Variants in KLHL3 observed in about 807,000 individuals in gnomAD.
KLHL3 encodes kelch like family member 3, also known as kelch-like protein 3.
In KLHL3, 19 loss-of-function variants were observed where a neutral mutation model predicts 70.5. The ratio of observed to expected loss-of-function variants is 0.27; its 90% CI spans 0.19 to 0.40. KLHL3 has a LOEUF of 0.40. Among genes scored for constraint, KLHL3 ranks in the 10% least tolerant of loss-of-function variants. The probability of loss-of-function intolerance (pLI) is 1.00; values close to 1 mark genes in which losing one functional copy is unlikely to be tolerated. For synonymous variants in KLHL3, 258 were observed against 290.3 expected, an observed-to-expected ratio of 0.89 and a Z score of 1.13; for missense variants, 512 against 771.1, an observed-to-expected ratio of 0.66 and a Z score of 3.98.
intron 8 of KLHL3, among the ~76,000 whole-genome samples, chr5:137,657,482 C>G (rs1751372292): frequency 6.6e-6 from 1 of 152,078 alleles, no homozygotes; most frequent in Non-Finnish European, 1.5e-5. Context: ...AAAGAAGACT[C>G]GCAGGGAACC....
chr5:137,674,368 G>A (rs1010203796), intron 6 of KLHL3, among the ~76,000 whole-genome samples: 3 of 152,138 alleles, frequency 2.0e-5, no homozygotes. Flanking sequence ...AACTTGCCCA[G>A]GGTTCTCAGC....
chr5:137,721,010 C>CA (rs1216561498), intron 1 of KLHL3: 7 of 304,060 alleles, frequency 2.3e-5, no homozygotes, highest in Non-Finnish European at 2.4e-5. Context: ...ACTACCCTCA[C>CA]AAAGCTTAGA....
intron 5 of KLHL3, among the ~76,000 whole-genome samples, chr5:137,690,764 G>A (rs1220923048): frequency 6.6e-6 from 1 of 152,142 alleles, no homozygotes; most frequent in Admixed American, 6.6e-5. Flanking sequence ...TGACCAAGAG[G>A]CTAACACAGC....
rs1301588479 is a variant in KLHL3, at chr5:137,641,498, T to C, written c.904-1521A>G. Among the ~76,000 whole-genome samples, 6 of 152,136 alleles carry C rather than the reference T, an allele frequency of 3.9e-5. No homozygotes were observed. In the East Asian group the frequency reaches 9.6e-4, roughly 24 times the overall value. The stretch of plus-strand genomic sequence containing the variant: ...ATGCTCTGTATGGATTTCCTGATGA[T>C]ATGCCATGAACAACTTTTGCCATTA... On this transcript the variant is annotated intron_variant, in intron 8 of 14. Coordinates refer to ENST00000309755, the MANE Select transcript of KLHL3 (RefSeq NM_017415.3).
intron 6 of KLHL3, among the ~76,000 whole-genome samples, chr5:137,673,440 G>A (rs1158813583): frequency 1.3e-5 from 2 of 152,000 alleles, no homozygotes; most frequent in Non-Finnish European, 2.9e-5. Context: ...GAAGGGGAAG[G>A]TCCTACACAA....
chr5:137,692,832 A>ACACC, intron 4 of KLHL3: 1 of 224,954 alleles, frequency 4.4e-6, no homozygotes, highest in South Asian at 7.3e-5. Context: ...ACACACACAC[A>ACACC]CACACACACA....
intron 3 of KLHL3, among the ~76,000 whole-genome samples, chr5:137,699,087 C>T (rs1247110112): frequency 2.0e-5 from 3 of 152,136 alleles, no homozygotes; most frequent in African/African-American, 7.2e-5. Flanking sequence ...TTTGTAACCA[C>T]TACGCTATAC....
Position 137,720,469 on chromosome 5 carries a change from G to A in KLHL3, c.130C>T (p.Arg44Trp). ...CGGACAAGATAGAAAAAGTACCTCC[G>A]CAGTTCATTCATAACCTTGAATGCT... ...GKAFKVMNEL[R>W]SKQLLCDVMI... The change falls in exon 2 of 15, where the codon CGG (arginine) becomes TGG (tryptophan). Residue 44 changes from arginine to tryptophan, a missense_variant. Arg to Trp is a moderately radical substitution (Grantham distance 101). Coordinates refer to ENST00000309755, the MANE Select transcript of KLHL3 (RefSeq NM_017415.3). 7.4e-6 allele frequency: 12 copies of A among 1,614,084 alleles called. No homozygotes were observed. The highest frequency in any genetic ancestry group is 1.1e-5 in the South Asian group (1 of 91,080).
chr5:137,710,176 G>A (rs553143004), intron 2 of KLHL3, among the ~76,000 whole-genome samples: 45 of 152,068 alleles, frequency 3.0e-4, no homozygotes, highest in Non-Finnish European at 3.4e-4. Flanking sequence ...GGGGTTTTGC[G>A]GCTCAGGGAA....
At chr5:137,713,965 G>C (rs935026998) in intron 2 of KLHL3, among the ~76,000 whole-genome samples, 2 of 151,928 alleles carry the variant, frequency 1.3e-5, no homozygotes, top group African/African-American at 4.8e-5. Context: ...ATGTTGGTGT[G>C]CTGCACCCAT....
chr5:137,735,019 G>GT (rs1241325417), intron 1 of KLHL3, among the ~76,000 whole-genome samples: 2 of 152,178 alleles, frequency 1.3e-5, no homozygotes, highest in African/African-American at 4.8e-5. Context: ...AGACCTTCCA[G>GT]TATCACTCAT....
chr5:137,659,740 C>T (rs1240586817), intron 7 of KLHL3, among the ~76,000 whole-genome samples: 1 of 152,122 alleles, frequency 6.6e-6, no homozygotes, highest in Non-Finnish European at 1.5e-5. Context: ...GGGGTGATGA[C>T]AAAGTTTTGG....
chr5:137,735,657 C>T lies in KLHL3; in HGVS notation c.-11G>A. On this transcript the variant is annotated 5_prime_UTR_variant, in exon 1 of 15. Coordinates refer to ENST00000309755, the MANE Select transcript of KLHL3 (RefSeq NM_017415.3). ...CCTTTCACCCTCCATTGTGTGAGGC[C>T]CAGCCAGGGTGGTAGCTGCTGAACT... The T allele has an allele frequency of 1.2e-6, 2 of 1,614,006 alleles. No individual in the cohort carries two copies. The highest frequency in any genetic ancestry group is 1.7e-6 in the Non-Finnish European group (2 of 1,179,884).
At chr5:137,692,625 G>T (rs773778315) in intron 4 of KLHL3, 178 bp from the exon 5 acceptor site, 3 of 598,204 alleles carry the variant, frequency 5.0e-6, no homozygotes, top group Non-Finnish European at 6.0e-6. Context: ...GCCCTTCACG[G>T]ACCCTAAACA....
chr5:137,643,138 T>C (rs950116422), intron 8 of KLHL3, among the ~76,000 whole-genome samples: 2 of 151,756 alleles, frequency 1.3e-5, no homozygotes, highest in African/African-American at 4.8e-5. Context: ...ATCTCTTGAG[T>C]CCAGGAGCTC....
chr5:137,657,766 A>G (rs1362377476), intron 8 of KLHL3, among the ~76,000 whole-genome samples: 1 of 152,236 alleles, frequency 6.6e-6, no homozygotes, highest in African/African-American at 2.4e-5. Context: ...AATGGCCTAG[A>G]AAGAGGACTA....
intron 3 of KLHL3, 140 bp from the exon 4 acceptor site, chr5:137,698,548 G>C (rs1752498800): frequency 1.1e-6 from 1 of 948,018 alleles, no homozygotes; most frequent in African/African-American, 1.6e-5. Context: ...TTCAGGCACA[G>C]AAGAGGATAA....
chr5:137,647,951 G>A (rs1751098820), intron 8 of KLHL3, among the ~76,000 whole-genome samples: 1 of 152,184 alleles, frequency 6.6e-6, no homozygotes, highest in Admixed American at 6.5e-5. Context: ...TGTAATATCA[G>A]GATAATAGGA....
Position 137,695,923 on chromosome 5 carries a change from G to A in KLHL3, c.363+2364C>T, listed in dbSNP as rs567058634. On this transcript the variant is annotated intron_variant, in intron 4 of 14. Transcript: ENST00000309755. ...CCACCCATCAGGATGGAAGATTACC[G>A]TAAGTCAAAAATCTTCTAGCTTGCC... 3.7e-4 allele frequency among the ~76,000 whole-genome samples: 56 copies of A among 152,288 alleles called. 1 individual carries two copies. Among genetic ancestry groups the A allele is most frequent in the Non-Finnish European group, 5.7e-4 (39 of 68,030 alleles).
Sources: gnomAD v4.1 joint callset for allele counts (sites outside exome capture counted in the v4.1 genomes callset) on GRCh38, gnomAD v4.1.1 for gene constraint, MANE v1.5 for transcripts, NCBI Gene and HGNC (gene_info 2026-07-23, HGNC 2026-07-21) for gene names.